The following PDS5B variants were observed in gnomAD, a reference collection of about 807,000 sequenced individuals.
The protein encoded by PDS5B is PDS5 cohesin associated factor B, also known as sister chromatid cohesion protein PDS5 homolog B.
A neutral mutation model predicts 184.1 loss-of-function variants in PDS5B; 51 were observed. The observed-to-expected ratio is 0.28, with a 90% CI of 0.22 to 0.35. PDS5B has a LOEUF of 0.35. PDS5B is among the 10% of genes least tolerant of loss of function. The probability of loss-of-function intolerance (pLI) is 1.00; values close to 1 mark genes in which losing one functional copy is unlikely to be tolerated. For missense variants in PDS5B, 1,180 were observed against 1,723.3 expected (o/e 0.68, Z 5.58); for synonymous variants, 566 against 569.2 (o/e 0.99, Z 0.08).
At chr13:32,730,820 T>C (rs1479185975) in intron 19 of PDS5B, among the ~76,000 whole-genome samples, 2 of 152,218 alleles carry the variant, frequency 1.3e-5, no homozygotes, top group Non-Finnish European at 2.9e-5. Context: ...TTGTTGAAAT[T>C]GTTTCTCAGC....
At chr13:32,747,054 GAGTTA>G (rs751906674) in intron 24 of PDS5B, among the ~76,000 whole-genome samples, 1 of 152,148 alleles carries the variant, frequency 6.6e-6, no homozygotes, top group Non-Finnish European at 1.5e-5. Flanking sequence ...ATTACTCAGT[GAGTTA>G]AGTTTTCAGA....
chr13:32,626,977 C>A lies in PDS5B; in HGVS notation c.-19-21777C>A, dbSNP rs577754902. Reference sequence around the variant, plus strand: ...TTGGAATCAGATTGAACACTGCCACCTTTGTTTCCTGTTTTCCACTGATTT... The same window carrying A: ...TTGGAATCAGATTGAACACTGCCACATTTGTTTCCTGTTTTCCACTGATTT... On this transcript the variant is annotated intron_variant, in intron 1 of 34. Coordinates refer to ENST00000315596, the MANE Select transcript of PDS5B (RefSeq NM_015032.4). Among the ~76,000 whole-genome samples the A allele has an allele frequency of 1.4e-4, 22 of 152,112 alleles. 1 individual carries two copies. In the South Asian group the frequency reaches 3.3e-3, roughly 23 times the overall value.
intron 3 of PDS5B, among the ~76,000 whole-genome samples, chr13:32,656,460 A>G (rs1950516258): frequency 1.3e-5 from 2 of 151,678 alleles, no homozygotes; most frequent in South Asian, 2.1e-4. Context: ...GATTCTTCCT[A>G]TCCATGAACA....
At chr13:32,634,924 G>A (rs1018623410) in intron 1 of PDS5B, among the ~76,000 whole-genome samples, 42 of 151,480 alleles carry the variant, frequency 2.8e-4, no homozygotes, top group African/African-American at 9.2e-4. Flanking sequence ...TTTCAAAAAT[G>A]GCTGCAGCAT....
intron 9 of PDS5B, among the ~76,000 whole-genome samples, chr13:32,677,361 G>A (rs1951099783): frequency 6.6e-6 from 1 of 151,980 alleles, no homozygotes; most frequent in Non-Finnish European, 1.5e-5. Context: ...TAGCTGGGAT[G>A]TATTTTATTG....
intron 1 of PDS5B, among the ~76,000 whole-genome samples, chr13:32,632,110 T>C (rs1336008140): frequency 6.6e-6 from 1 of 152,158 alleles, no homozygotes; most frequent in Non-Finnish European, 1.5e-5. Context: ...CTGTATACTT[T>C]TAGAAGAAAA....
At chr13:32,616,154 A>G (rs562170916) in intron 1 of PDS5B, among the ~76,000 whole-genome samples, 2 of 151,964 alleles carry the variant, frequency 1.3e-5, no homozygotes, top group African/African-American at 4.8e-5. Context: ...CCTGGGTTCA[A>G]GCGATTCTCC....
At chr13:32,651,679 C>G (rs981976101) in intron 2 of PDS5B, 125 bp from the exon 3 acceptor site, 2 of 597,366 alleles carry the variant, frequency 3.3e-6, no homozygotes, top group Non-Finnish European at 5.9e-6. Context: ...CAAATAGAGA[C>G]TTTCTGCAGA....
intron 6 of PDS5B, 130 bp from the exon 7 acceptor site, chr13:32,667,634 C>T: frequency 1.7e-6 from 1 of 581,492 alleles, no homozygotes. Flanking sequence ...AGTGGTTTTG[C>T]CTTCTCTCTT....
chr13:32,771,962 G>A (rs1041595573), intron 33 of PDS5B, among the ~76,000 whole-genome samples: 1 of 150,492 alleles, frequency 6.6e-6, no homozygotes. Context: ...AAAAAAAATT[G>A]ATATGGAAGA....
intron 1 of PDS5B, among the ~76,000 whole-genome samples, chr13:32,632,181 G>C (rs1243007172): frequency 6.6e-6 from 1 of 151,866 alleles, no homozygotes; most frequent in Non-Finnish European, 1.5e-5. Flanking sequence ...AATATATATT[G>C]GACTTTATAA....
chr13:32,625,541 G>C (rs1394845609), intron 1 of PDS5B, among the ~76,000 whole-genome samples: 5 of 152,074 alleles, frequency 3.3e-5, no homozygotes, highest in African/African-American at 4.8e-5. Context: ...TGAGTCTCCT[G>C]ATGTACTTGA....
intron 1 of PDS5B, among the ~76,000 whole-genome samples, chr13:32,612,022 T>G (rs2058151512): frequency 6.6e-6 from 1 of 152,132 alleles, no homozygotes; most frequent in Non-Finnish European, 1.5e-5. Context: ...CTGGGTTTGT[T>G]CTGTTGGCAG....
At chr13:32,622,409 G>A (rs1408399779) in intron 1 of PDS5B, among the ~76,000 whole-genome samples, 2 of 152,008 alleles carry the variant, frequency 1.3e-5, no homozygotes, top group Non-Finnish European at 2.9e-5. Context: ...TATGTGGTGG[G>A]TGAGATTTGG....
intron 1 of PDS5B, among the ~76,000 whole-genome samples, chr13:32,640,386 A>G (rs145679372): frequency 2.0e-3 from 310 of 152,294 alleles, no homozygotes; most frequent in African/African-American, 7.3e-3. Flanking sequence ...AGTTGAGACT[A>G]CAGGCATGCG....
intron 31 of PDS5B, among the ~76,000 whole-genome samples, chr13:32,765,642 C>T (rs1029451985): frequency 3.3e-5 from 5 of 152,152 alleles, no homozygotes; most frequent in Non-Finnish European, 7.4e-5. Context: ...CTCACTTTGT[C>T]GCCCAGGCTG....
intron 1 of PDS5B, among the ~76,000 whole-genome samples, chr13:32,630,401 T>A (rs1240753989): frequency 6.6e-6 from 1 of 152,154 alleles, no homozygotes; most frequent in Non-Finnish European, 1.5e-5. Flanking sequence ...ATGGTGTGCA[T>A]GCCCTCCTCA....
intron 1 of PDS5B, among the ~76,000 whole-genome samples, chr13:32,623,482 A>G (rs1018854634): frequency 7.6e-5 from 11 of 145,032 alleles, no homozygotes; most frequent in African/African-American, 1.3e-4. Flanking sequence ...GGAAGGGACT[A>G]TTATCCTCCT....
intron 24 of PDS5B, 95 bp downstream of exon 24, chr13:32,746,195 G>T: frequency 9.5e-7 from 1 of 1,054,198 alleles, no homozygotes; most frequent in Admixed American, 2.3e-5. Context: ...AATCTTGAAT[G>T]TGTATGGTTT....
Sources: gnomAD v4.1 joint callset for allele counts (sites outside exome capture counted in the v4.1 genomes callset) on GRCh38, gnomAD v4.1.1 for gene constraint, MANE v1.5 for transcripts, NCBI Gene and HGNC (gene_info 2026-07-23, HGNC 2026-07-21) for gene names.